Variants in HPSE2 observed in about 807,000 individuals in gnomAD.
HPSE2 encodes heparanase 2 (inactive).
Under a neutral mutation model 60.5 loss-of-function variants are expected in HPSE2, and 38 were observed. That is an observed-to-expected ratio of 0.63 (90% CI 0.48 to 0.82). The LOEUF (loss-of-function observed/expected upper bound fraction) is 0.82, where lower values mean the gene tolerates loss of function less well. Ranked by LOEUF, HPSE2 falls within the 40% of genes least tolerant of loss-of-function variation. HPSE2 has a pLI of 0.00. For synonymous variants in HPSE2, 295 were observed against 293.2 expected (o/e 1.01, Z -0.06); for missense variants, 713 against 740.4 (o/e 0.96, Z 0.43).
At chr10:98,485,137 T>C (rs1299808037) in intron 10 of HPSE2, among the ~76,000 whole-genome samples, 1 of 152,208 alleles carries the variant, frequency 6.6e-6, no homozygotes, top group Non-Finnish European at 1.5e-5. Context: ...TATTTTTGTT[T>C]TTGTTTAGAA....
chr10:98,678,724 G>C (rs2134130829), intron 6 of HPSE2, among the ~76,000 whole-genome samples: 1 of 151,566 alleles, frequency 6.6e-6, no homozygotes, highest in East Asian at 1.9e-4. Context: ...CTAGGCACTG[G>C]GAACATCTGA....
At chr10:98,813,821 T>C (rs1002626784) in intron 3 of HPSE2, among the ~76,000 whole-genome samples, 2 of 152,162 alleles carry the variant, frequency 1.3e-5, no homozygotes, top group African/African-American at 2.4e-5. Flanking sequence ...AGTGAACCAA[T>C]CAATATCTTG....
chr10:98,520,295 G>A (rs1303390980), intron 9 of HPSE2, among the ~76,000 whole-genome samples: 2 of 152,160 alleles, frequency 1.3e-5, no homozygotes, highest in African/African-American at 2.4e-5. Context: ...TCTTTTCTGA[G>A]GAAAAGAAAT....
chr10:98,967,982 T>C (rs1211885680), intron 3 of HPSE2, among the ~76,000 whole-genome samples: 1 of 152,180 alleles, frequency 6.6e-6, no homozygotes, highest in African/African-American at 2.4e-5. Flanking sequence ...GCTTGAACAA[T>C]GAATTTTTCA....
At chr10:98,611,089 G>T (rs1945743703) in intron 9 of HPSE2, among the ~76,000 whole-genome samples, 1 of 150,512 alleles carries the variant, frequency 6.6e-6, no homozygotes, top group Admixed American at 6.6e-5. Context: ...TTTTCCCAGT[G>T]TTGGGGGGGG....
At chr10:99,185,255 G>C (rs1465645272) in intron 2 of HPSE2, among the ~76,000 whole-genome samples, 1 of 151,858 alleles carries the variant, frequency 6.6e-6, no homozygotes, top group Non-Finnish European at 1.5e-5. Context: ...AATGAGCCAA[G>C]TTCATACCAC....
intron 2 of HPSE2, among the ~76,000 whole-genome samples, chr10:99,231,812 T>C (rs549129787): frequency 3.9e-5 from 6 of 152,188 alleles, no homozygotes; most frequent in Non-Finnish European, 8.8e-5. Context: ...CAGAAAACTT[T>C]AGAGTGGGTT....
At chr10:98,615,981 G>A (rs375640379) in intron 8 of HPSE2, among the ~76,000 whole-genome samples, 12 of 152,212 alleles carry the variant, frequency 7.9e-5, no homozygotes, top group African/African-American at 2.9e-4. Context: ...CAGGCTCCAA[G>A]ACACATGAAA....
chr10:99,244,559 T>C, the HPSE2 span, among the ~76,000 whole-genome samples: 3 of 143,502 alleles, frequency 2.1e-5, no homozygotes, highest in Non-Finnish European at 4.5e-5. Flanking sequence ...AGGTGTGAAC[T>C]ATGCCTGGAT....
At chr10:98,922,738 C>T (rs1954319076) in intron 3 of HPSE2, among the ~76,000 whole-genome samples, 1 of 152,112 alleles carries the variant, frequency 6.6e-6, no homozygotes, top group South Asian at 2.1e-4. Context: ...GCCTTGCTGG[C>T]ACCATTCCAA....
intron 3 of HPSE2, among the ~76,000 whole-genome samples, chr10:98,756,589 T>C (rs1204526036): frequency 6.6e-6 from 1 of 152,072 alleles, no homozygotes; most frequent in African/African-American, 2.4e-5. Flanking sequence ...GATAAATTCC[T>C]GGAAACATAC....
At chr10:99,137,502 G>A (rs894728743) in intron 3 of HPSE2, among the ~76,000 whole-genome samples, 17 of 152,134 alleles carry the variant, frequency 1.1e-4, no homozygotes, top group Non-Finnish European at 2.4e-4. Context: ...TATACTACAA[G>A]GCTACAGTAA....
chr10:98,812,465 G>A (rs10082488), intron 3 of HPSE2, among the ~76,000 whole-genome samples: 5,772 of 152,198 alleles, frequency 0.038, 236 homozygotes, highest in East Asian at 0.17. Context: ...CACCTCAGAT[G>A]AGTCTGATGC....
intron 2 of HPSE2, among the ~76,000 whole-genome samples, chr10:99,150,974 C>T (rs144475877): frequency 1.3e-5 from 2 of 151,960 alleles, no homozygotes; most frequent in African/African-American, 2.4e-5. Flanking sequence ...CTAAGCTATG[C>T]AGACTCAGAG....
intron 3 of HPSE2, among the ~76,000 whole-genome samples, chr10:98,950,755 C>T (rs1043058507): frequency 6.6e-6 from 1 of 152,126 alleles, no homozygotes; most frequent in African/African-American, 2.4e-5. Context: ...TCAGCATTCC[C>T]ATCTCAAATA....
intron 3 of HPSE2, among the ~76,000 whole-genome samples, chr10:98,789,971 G>C (rs1287047515): frequency 6.6e-6 from 1 of 152,072 alleles, no homozygotes; most frequent in African/African-American, 2.4e-5. Context: ...TGAGTGTCCT[G>C]TGTTTATTTG....
rs554024710 is a variant in HPSE2 at position 98,986,731 on chromosome 10, T to C, written c.610+157507A>G. 8.7e-4 allele frequency among the ~76,000 whole-genome samples: 131 copies of C among 150,472 alleles called. 1 individual carries two copies. Among genetic ancestry groups the C allele is most frequent in the African/African-American group, 3.0e-3 (122 of 41,198 alleles). On this transcript the variant is annotated intron_variant, in intron 3 of 11. Transcript: ENST00000370552. ...TGGTTTTTTGAAAAGATCAACAAAA[T>C]TGATAGACTGCTAGCTAGACTAATA... is the stretch of plus-strand genomic sequence containing the variant.
At chr10:98,506,017 G>A (rs1409635090) in intron 9 of HPSE2, among the ~76,000 whole-genome samples, 1 of 151,958 alleles carries the variant, frequency 6.6e-6, no homozygotes, top group African/African-American at 2.4e-5. Context: ...TTCGGCATCA[G>A]ATTATCTAGT....
intron 3 of HPSE2, among the ~76,000 whole-genome samples, chr10:98,957,716 A>G (rs997566671): frequency 2.6e-5 from 4 of 152,104 alleles, no homozygotes; most frequent in Non-Finnish European, 2.9e-5. Context: ...GCTTTTCCCA[A>G]TTGTGACTTT....
Sources: gnomAD v4.1 joint callset for allele counts (sites outside exome capture counted in the v4.1 genomes callset) on GRCh38, gnomAD v4.1.1 for gene constraint, MANE v1.5 for transcripts, NCBI Gene and HGNC (gene_info 2026-07-23, HGNC 2026-07-21) for gene names.